The following MTA3 variants were observed in gnomAD, a reference collection of about 807,000 sequenced individuals.
MTA3 encodes the protein metastasis associated 1 family member 3, also known as metastasis-associated protein MTA3.
In MTA3, 34 loss-of-function variants were observed where a neutral mutation model predicts 83.5. The observed-to-expected ratio is 0.41, with a 90% CI of 0.31 to 0.54. The LOEUF (loss-of-function observed/expected upper bound fraction) is 0.54, where lower values mean the gene tolerates loss of function less well. Among genes scored for constraint, MTA3 ranks in the 20% least tolerant of loss-of-function variants. The pLI, the probability that MTA3 is intolerant of heterozygous loss-of-function variation, is 0.33. For synonymous variants in MTA3, 303 were observed against 252.7 expected (o/e 1.20, Z -1.89); for missense variants, 761 against 726.4 (o/e 1.05, Z -0.55).
intron 2 of MTA3, among the ~76,000 whole-genome samples, chr2:42,536,531 G>A (rs773224358): frequency 8.6e-5 from 13 of 151,584 alleles, no homozygotes; most frequent in Non-Finnish European, 1.9e-4. Flanking sequence ...CCTTTCCGAG[G>A]CAATCCTGCT....
intron 4 of MTA3, among the ~76,000 whole-genome samples, chr2:42,623,755 A>G (rs1159362865): frequency 6.7e-6 from 1 of 150,298 alleles, no homozygotes; most frequent in Non-Finnish European, 1.5e-5. Context: ...CAGTGGCACA[A>G]TCTCTGCTCA....
chr2:42,676,892 A>G (rs771030189), intron 8 of MTA3, among the ~76,000 whole-genome samples: 3 of 152,218 alleles, frequency 2.0e-5, no homozygotes, highest in Non-Finnish European at 4.4e-5. Context: ...TGGGATTATT[A>G]ACTGAAAAGG....
intron 3 of MTA3, among the ~76,000 whole-genome samples, chr2:42,582,211 C>G (rs552660819): frequency 1.6e-4 from 24 of 152,256 alleles, no homozygotes; most frequent in African/African-American, 5.5e-4. Context: ...GCGCCTGCCA[C>G]CACGCCCGGC....
chr2:42,567,267 T>C (rs1389497253), upstream of MTA3, among the ~76,000 whole-genome samples: 1 of 152,222 alleles, frequency 6.6e-6, no homozygotes, highest in Admixed American at 6.5e-5. Context: ...CACGTCCCCA[T>C]TTTATAGACG....
chr2:42,630,796 T>G (rs924088591), intron 4 of MTA3, among the ~76,000 whole-genome samples: 3 of 152,228 alleles, frequency 2.0e-5, no homozygotes, highest in African/African-American at 7.2e-5. Context: ...TTAATTTTTA[T>G]TTTGTATTTA....
intron 3 of MTA3, among the ~76,000 whole-genome samples, chr2:42,594,705 CAT>C (rs1167117095): frequency 0.071 from 3,272 of 46,338 alleles, 339 homozygotes; most frequent in East Asian, 0.42. Context: ...TATAAATATA[CAT>C]ATATATATAT....
rs1687948972 is a variant in MTA3, at chr2:42,644,165, G to C, written c.420G>C (p.Leu140Phe). The change falls in exon 6 of 17, where the codon TTG (leucine) becomes TTC (phenylalanine). Residue 140 changes from leucine (L) to phenylalanine (F), a missense_variant. By Grantham distance (22) the Leu-to-Phe change is conservative (BLOSUM62 0). Coordinates refer to ENST00000405094, the MANE Select transcript of MTA3 (RefSeq NM_001330442.2). ...FFYSLVYDPSLKTLLADKGEI... is the reference protein window; with the variant it reads ...FFYSLVYDPSFKTLLADKGEI... ...ACTCATTGGTCTATGACCCCTCATT[G>C]AAAACACTATTAGCTGACAAAGGTG... 6.2e-7 allele frequency: 1 copy of C among 1,612,518 alleles called. No homozygotes were observed. The highest frequency in any genetic ancestry group is 8.5e-7 in the Non-Finnish European group (1 of 1,179,302).
chr2:42,595,188 C>G (rs1025425872), intron 3 of MTA3, among the ~76,000 whole-genome samples: 1 of 145,516 alleles, frequency 6.9e-6, no homozygotes, highest in African/African-American at 2.5e-5. Flanking sequence ...CAGCTCACTG[C>G]AAGCTCCACT....
intron 9 of MTA3, among the ~76,000 whole-genome samples, chr2:42,690,279 TCTG>T (rs1159706443): frequency 2.0e-5 from 3 of 152,240 alleles, no homozygotes; most frequent in Admixed American, 6.5e-5. Flanking sequence ...CTTGAAAAAC[TCTG>T]CTATTACTTA....
At chr2:42,590,938 G>A (rs756294679) in intron 3 of MTA3, among the ~76,000 whole-genome samples, 1 of 152,110 alleles carries the variant, frequency 6.6e-6, no homozygotes, top group Non-Finnish European at 1.5e-5. Flanking sequence ...TTGAGGTACT[G>A]TAATTTGACC....
chr2:42,563,813 TTCC>T (rs1244474840), upstream of MTA3, among the ~76,000 whole-genome samples: 1 of 148,732 alleles, frequency 6.7e-6, no homozygotes, highest in East Asian at 2.0e-4. Context: ...CCTTCCTTCC[TTCC>T]TTCCTTCCTT....
At chr2:42,614,801 C>T (rs753065440) in intron 4 of MTA3, among the ~76,000 whole-genome samples, 23 of 151,656 alleles carry the variant, frequency 1.5e-4, no homozygotes, top group Admixed American at 4.0e-4. Flanking sequence ...ATTGGGACAC[C>T]CTGTCTCTAT....
chr2:42,711,435 G>T (rs1279599733), intron 14 of MTA3, among the ~76,000 whole-genome samples: 1 of 152,088 alleles, frequency 6.6e-6, no homozygotes, highest in Non-Finnish European at 1.5e-5. Context: ...TAAAAGAGCA[G>T]TCGTCTATCT....
At chr2:42,652,697 A>G (rs1427326376) in intron 6 of MTA3, among the ~76,000 whole-genome samples, 1 of 151,932 alleles carries the variant, frequency 6.6e-6, no homozygotes, top group Non-Finnish European at 1.5e-5. Context: ...AAATTTTGAA[A>G]TTTCTTTATA....
Position 42,693,138 on chromosome 2 carries a change from C to T in MTA3, c.892-2627C>T, listed in dbSNP as rs559055361. The stretch of plus-strand genomic sequence containing the variant: ...CCTCCTTCCTTCTCTCCCCACACCC[C>T]GTCCCTTGAGCTACCTGGAACTGGG... On this transcript the variant is annotated intron_variant, in intron 9 of 16. Coordinates refer to ENST00000405094, the MANE Select transcript of MTA3 (RefSeq NM_001330442.2). 3.9e-5 allele frequency among the ~76,000 whole-genome samples: 6 copies of T among 152,268 alleles called. No homozygotes were observed. In the South Asian group the frequency reaches 6.2e-4, roughly 16 times the overall value.
intron 14 of MTA3, among the ~76,000 whole-genome samples, chr2:42,710,161 A>T (rs1666477456): frequency 6.6e-6 from 1 of 152,224 alleles, no homozygotes; most frequent in Admixed American, 6.5e-5. Context: ...ATGATGACTG[A>T]AAAAAACATT....
At chr2:42,718,827 C>G (rs1475157510) in intron 14 of MTA3, among the ~76,000 whole-genome samples, 161 bp from the exon 15 acceptor site, 2 of 152,102 alleles carry the variant, frequency 1.3e-5, no homozygotes, top group Admixed American at 1.3e-4. Flanking sequence ...AATTGGGAAC[C>G]AGAACTAGAA....
chr2:42,563,776 A>ATACATTCCTTCCTTCC (rs1553342588), upstream of MTA3, among the ~76,000 whole-genome samples: 3 of 114,460 alleles, frequency 2.6e-5, no homozygotes, highest in African/African-American at 1.0e-4. Context: ...TGGACCAAAC[A>ATACATTCCTTCCTTCC]TTCCTTCCTT....
chr2:42,568,722 G>A lies in MTA3; in HGVS notation c.-24G>A. 3 of 1,213,006 alleles carry A rather than the reference G, an allele frequency of 2.5e-6. No homozygotes were observed. The highest frequency in any genetic ancestry group is 3.1e-6 in the Non-Finnish European group (3 of 976,950). 75.1% of individuals were successfully genotyped at this position (1,213,006 alleles called of 1,614,324 possible). On this transcript the variant is annotated 5_prime_UTR_variant, in exon 1 of 17. Transcript: ENST00000405094. ...GCGGCGGCGGGCGGGGCTCGGCTCG[G>A]GCTCCGCGGGCGGGCGGGCGGACAT...
Sources: gnomAD v4.1 joint callset for allele counts (sites outside exome capture counted in the v4.1 genomes callset) on GRCh38, gnomAD v4.1.1 for gene constraint, MANE v1.5 for transcripts, NCBI Gene and HGNC (gene_info 2026-07-23, HGNC 2026-07-21) for gene names.